Variants in CNGA3 observed in about 807,000 individuals in gnomAD.
The protein encoded by CNGA3 is cyclic nucleotide-gated channel alpha-3.
A neutral mutation model predicts 46.6 loss-of-function variants in CNGA3; 42 were observed. The ratio of observed to expected loss-of-function variants is 0.90; its 90% CI spans 0.70 to 1.17. CNGA3 has a LOEUF of 1.17. Ranked by LOEUF, CNGA3 falls within the 50% of genes most tolerant of loss-of-function variation. CNGA3 has a pLI of 0.00. For synonymous variants in CNGA3, 394 were observed against 369.4 expected (o/e 1.07, Z -0.76); for missense variants, 893 against 890.7 (o/e 1.00, Z -0.03).
chr2:98,379,929 T>A (rs2104204387), intron 3 of CNGA3: 1 of 580,126 alleles, frequency 1.7e-6, no homozygotes, highest in South Asian at 2.0e-5. Flanking sequence ...AGTGTCCCTT[T>A]CCGGGGAAGC....
In CNGA3 at chr2:98,373,646, C is replaced by CA. The variant is rs201297747; in HGVS notation, c.101+3575dup. ...AAAACATTTTACACCCTGAAAATACCAAAAATAAGTCTGAGTTTTCATTTC... is the reference window on the plus strand; with the variant it reads ...AAAACATTTTACACCCTGAAAATACCAAAAAATAAGTCTGAGTTTTCATTTC... On this transcript the variant is annotated intron_variant, in intron 2 of 7. Transcript: ENST00000272602. Among the ~76,000 whole-genome samples the CA allele has an allele frequency of 7.2e-3, 1,094 of 152,174 alleles. 36 individuals carry two copies. The highest frequency in any genetic ancestry group is 0.063 in the Admixed American group (961 of 15,290).
Position 98,396,395 on chromosome 2 carries a change from T to A in CNGA3, c.1225T>A (p.Ser409Thr). The change falls in exon 8 of 8, where the codon TCA becomes ACA. Residue 409 changes from serine (S) to threonine (T), a missense_variant. Ser to Thr is a moderately conservative substitution (Grantham distance 58, BLOSUM62 1). Transcript: ENST00000272602. ...VGSMISNMNA[S>T]RAEFQAKIDS... The stretch of plus-strand genomic sequence containing the variant: ...CTCCATGATCTCGAATATGAATGCC[T>A]CACGGGCAGAGTTCCAGGCCAAGAT... 6.2e-7 allele frequency: 1 copy of A among 1,613,950 alleles called. No homozygotes were observed. Among genetic ancestry groups the A allele is most frequent in the Non-Finnish European group, 8.5e-7 (1 of 1,180,016 alleles).
chr2:98,352,382 T>A (rs1691786983), intron 1 of CNGA3, among the ~76,000 whole-genome samples: 1 of 152,220 alleles, frequency 6.6e-6, no homozygotes, highest in Non-Finnish European at 1.5e-5. Context: ...TGTTTTTATT[T>A]CTCTTAGGTA....
chr2:98,361,769 G>A (rs1437422531), intron 1 of CNGA3, among the ~76,000 whole-genome samples: 1 of 146,938 alleles, frequency 6.8e-6, no homozygotes, highest in East Asian at 2.0e-4. Flanking sequence ...GTGCAGTGGC[G>A]CGATCTCGGC....
At position 98,397,353 on chromosome 2, in the gene CNGA3, C is replaced by G. The variant is rs576383852; in HGVS notation, c.*98C>G. The G allele has an allele frequency of 1.7e-6, 2 of 1,192,930 alleles. No individual in the cohort carries two copies. Among genetic ancestry groups the G allele is most frequent in the South Asian group, 2.6e-5 (2 of 77,182 alleles). 73.9% of individuals were successfully genotyped at this position (1,192,930 alleles called of 1,614,324 possible). A position where few individuals can be genotyped will look rare whatever the true frequency, so the allele number is the denominator to read the frequency against. On this transcript the variant is annotated 3_prime_UTR_variant, in exon 8 of 8. Transcript: ENST00000272602. ...ATGGAACTTGGTCAGGGTTGAATTC[C>G]AGCTCTACTCACCCTTTGAAAGCTG...
intron 5 of CNGA3, among the ~76,000 whole-genome samples, chr2:98,387,937 A>G (rs1374849699): frequency 6.6e-6 from 1 of 152,116 alleles, no homozygotes; most frequent in African/African-American, 2.4e-5. Flanking sequence ...ATGTCGTACT[A>G]CCTCAAAACG....
chr2:98,353,724 A>G (rs746468589), intron 1 of CNGA3, among the ~76,000 whole-genome samples: 1 of 152,210 alleles, frequency 6.6e-6, no homozygotes, highest in Non-Finnish European at 1.5e-5. Flanking sequence ...ATTTATAAAG[A>G]AAAGAGGTTT....
chr2:98,390,785 C>T (rs1053543827), intron 6 of CNGA3, among the ~76,000 whole-genome samples: 1 of 152,116 alleles, frequency 6.6e-6, no homozygotes, highest in Non-Finnish European at 1.5e-5. Context: ...AGGCCTGCTC[C>T]AGGACACCAA....
chr2:98,375,069 C>T (rs567275065), intron 2 of CNGA3, among the ~76,000 whole-genome samples: 33 of 152,372 alleles, frequency 2.2e-4, no homozygotes, highest in Non-Finnish European at 4.0e-4. Flanking sequence ...CACTCTGCCT[C>T]CTCCCCCTGA....
In CNGA3 at chr2:98,396,565, G is replaced by A. The variant is rs1426904095; in HGVS notation, c.1395G>A (p.Lys465=). 1.2e-6 allele frequency: 2 copies of A among 1,613,868 alleles called. No homozygotes were observed. The highest frequency in any genetic ancestry group is 1.7e-6 in the Non-Finnish European group (2 of 1,179,972). Residue 465 remains lysine (K), a synonymous_variant, in exon 8 of 8, where the codon AAG becomes AAA. Transcript: ENST00000272602. ...TCAAGAGCCTCCCAGACAAGCTGAA[G>A]GCTGAGATCGCCATCAACGTGCACC... is the stretch of plus-strand genomic sequence containing the variant. The part of the protein sequence containing the change: ...EVLKSLPDKL[K]AEIAINVHLD...
chr2:98,375,732 G>T (rs1163716548), intron 2 of CNGA3, among the ~76,000 whole-genome samples: 1 of 152,218 alleles, frequency 6.6e-6, no homozygotes, highest in African/African-American at 2.4e-5. Flanking sequence ...ACAGGGCTCA[G>T]TCCTCAGCCA....
chr2:98,379,114 T>C (rs1274148148), intron 3 of CNGA3, among the ~76,000 whole-genome samples: 1 of 152,226 alleles, frequency 6.6e-6, no homozygotes, highest in Non-Finnish European at 1.5e-5. Context: ...AGAGGAAGTG[T>C]GTGGTTACAG....
Position 98,389,784 on chromosome 2 carries a change from A to G in CNGA3, c.566+10A>G. 6.2e-7 allele frequency: 1 copy of G among 1,605,780 alleles called. No homozygotes were observed. Among genetic ancestry groups the G allele is most frequent in the Non-Finnish European group, 8.5e-7 (1 of 1,173,802 alleles). Reference sequence around the variant, plus strand: ...ATCTGCTTATTTGCAGGTAAGCGACAGGGGTGGAAGGTGCAGCGGAAAGGG... The same window carrying G: ...ATCTGCTTATTTGCAGGTAAGCGACGGGGGTGGAAGGTGCAGCGGAAAGGG... On this transcript the variant is annotated intron_variant, in intron 6 of 7. Transcript: ENST00000272602.
At chr2:98,392,064 AC>A in intron 7 of CNGA3, 94 bp downstream of exon 7, 1 of 1,130,016 alleles carries the variant, frequency 8.8e-7, no homozygotes, top group Non-Finnish European at 1.3e-6. Context: ...CCTACCCTTG[AC>A]CATGAGAGGC....
At chr2:98,380,815 T>A (rs1393930780) in intron 4 of CNGA3, among the ~76,000 whole-genome samples, 5 of 152,118 alleles carry the variant, frequency 3.3e-5, no homozygotes, top group African/African-American at 1.2e-4. Flanking sequence ...TAGGCACGCG[T>A]GCATTTTTCT....
chr2:98,389,944 G>A (rs929037481), intron 6 of CNGA3, among the ~76,000 whole-genome samples, 170 bp downstream of exon 6: 4 of 152,118 alleles, frequency 2.6e-5, no homozygotes, highest in African/African-American at 7.2e-5. Context: ...TTCCCCAAGA[G>A]GACCATCAGA....
At chr2:98,370,728 T>C (rs1692265981) in intron 2 of CNGA3, among the ~76,000 whole-genome samples, 1 of 152,240 alleles carries the variant, frequency 6.6e-6, no homozygotes, top group Non-Finnish European at 1.5e-5. Context: ...TTCTTCACAA[T>C]GAAACAGCAT....
chr2:98,392,976 A>T (rs751418689), intron 7 of CNGA3, among the ~76,000 whole-genome samples: 3 of 152,092 alleles, frequency 2.0e-5, no homozygotes, highest in Non-Finnish European at 4.4e-5. Flanking sequence ...TGAACTGAAA[A>T]CTGTGCCAGG....
Position 98,396,530 on chromosome 2 carries a change from A to G in CNGA3, c.1360A>G (p.Lys454Glu). The G allele has an allele frequency of 4.3e-6, 7 of 1,613,990 alleles. No individual in the cohort carries two copies. The highest frequency in any genetic ancestry group is 5.9e-6 in the Non-Finnish European group (7 of 1,179,998). Residue 454 changes from lysine to glutamate, a missense_variant, in exon 8 of 8, where the codon AAG (lysine) becomes GAG (glutamate). Coordinates refer to ENST00000272602, the MANE Select transcript of CNGA3 (RefSeq NM_001298.3). ...GGCCAACAAGAAGACGGTGGATGAG[A>G]AGGAGGTGCTCAAGAGCCTCCCAGA... ...LWANKKTVDEKEVLKSLPDKL... is the reference protein window; with the variant it reads ...LWANKKTVDEEEVLKSLPDKL...
Sources: allele counts gnomAD v4.1 joint callset (sites outside exome capture counted in the v4.1 genomes callset), GRCh38; gene constraint gnomAD v4.1.1; transcripts MANE v1.5; gene names NCBI Gene and HGNC (gene_info 2026-07-23, HGNC 2026-07-21).